Variants in MYT1L observed in about 807,000 individuals in gnomAD.
MYT1L encodes myelin transcription factor 1 like.
MYT1L carries 12 observed loss-of-function variants against 126.7 expected under a neutral mutation model. That is an observed-to-expected ratio of 0.09 (90% CI 0.06 to 0.15). The LOEUF (loss-of-function observed/expected upper bound fraction) is 0.15. Among genes scored for constraint, MYT1L ranks in the 10% least tolerant of loss-of-function variants. MYT1L has a pLI of 1.00. For missense variants in MYT1L, 979 were observed against 1,585.2 expected, an observed-to-expected ratio of 0.62 and a Z score of 6.49; for synonymous variants, 541 against 604.2, an observed-to-expected ratio of 0.90 and a Z score of 1.53.
At chr2:2,243,136 T>C (rs1390503197) in intron 2 of MYT1L, among the ~76,000 whole-genome samples, 1 of 152,090 alleles carries the variant, frequency 6.6e-6, no homozygotes, top group African/African-American at 2.4e-5. Flanking sequence ...TGCCCTGAAG[T>C]TGGAAAACCA....
intron 14 of MYT1L, among the ~76,000 whole-genome samples, chr2:1,900,173 T>A (rs1573381180): frequency 6.6e-6 from 1 of 152,202 alleles, no homozygotes; most frequent in African/African-American, 2.4e-5. Flanking sequence ...GAAGAGTAAC[T>A]GTAGACAGCA....
At chr2:2,080,948 C>T (rs1238701462) in intron 3 of MYT1L, among the ~76,000 whole-genome samples, 2 of 152,086 alleles carry the variant, frequency 1.3e-5, no homozygotes, top group Non-Finnish European at 2.9e-5. Context: ...GTAAAATGTC[C>T]AGAATAGGCA....
At chr2:2,302,282 T>G (rs1054501686) in intron 1 of MYT1L, among the ~76,000 whole-genome samples, 1 of 152,232 alleles carries the variant, frequency 6.6e-6, no homozygotes, top group Non-Finnish European at 1.5e-5. Flanking sequence ...AGTAGATAGA[T>G]GAGTAATTAC....
intron 2 of MYT1L, among the ~76,000 whole-genome samples, chr2:2,238,636 G>C (rs1014544754): frequency 6.6e-6 from 1 of 152,232 alleles, no homozygotes; most frequent in Admixed American, 6.5e-5. Context: ...GGTGAAACCT[G>C]TGTGCAGTGT....
At position 1,945,851 on chromosome 2, in the gene MYT1L, G is replaced by GT. The variant is rs753105950; in HGVS notation, c.153-2518dup. On this transcript the variant is annotated intron_variant, in intron 8 of 24. Transcript: ENST00000647738. Reference sequence around the variant, plus strand: ...AGTTTTGGAAACTAATGATTGTCCTGTTTGTTTCTTCTATCAATACTTCTA... The same window carrying GT: ...AGTTTTGGAAACTAATGATTGTCCTGTTTTGTTTCTTCTATCAATACTTCTA... 1.3e-3 allele frequency among the ~76,000 whole-genome samples: 199 copies of GT among 152,246 alleles called. 1 individual carries two copies. The highest frequency in any genetic ancestry group is 1.4e-3 in the Non-Finnish European group (98 of 68,018).
chr2:2,223,482 C>G (rs1052048445), intron 2 of MYT1L, among the ~76,000 whole-genome samples: 4 of 152,160 alleles, frequency 2.6e-5, no homozygotes, highest in Non-Finnish European at 4.4e-5. Context: ...TAAAAACTGT[C>G]CAACATTTTG....
intron 2 of MYT1L, among the ~76,000 whole-genome samples, chr2:2,190,019 C>A (rs2092488745): frequency 6.6e-6 from 1 of 152,238 alleles, no homozygotes; most frequent in Non-Finnish European, 1.5e-5. Context: ...GCTGGTTTTT[C>A]TGAGAGGAAG....
intron 1 of MYT1L, among the ~76,000 whole-genome samples, chr2:2,328,871 T>A (rs958973498): frequency 1.3e-5 from 2 of 152,202 alleles, no homozygotes; most frequent in Non-Finnish European, 2.9e-5. Context: ...ATAAAAATGT[T>A]CAAGTATAGA....
rs781114364 is a variant in MYT1L, at chr2:2,107,273, CAGGATTCAGCAG to C, written c.-303-53162_-303-53151del. ...ACAATCTCCTTCCTCTGTGCTCGGG[CAGGATTCAGCAG>C]AGGATGGCCCACTTGCCAAACCTGG... On this transcript the variant is annotated intron_variant, in intron 3 of 24. Transcript: ENST00000647738. 9.2e-5 allele frequency among the ~76,000 whole-genome samples: 14 copies of C among 152,320 alleles called. No homozygotes were observed. The South Asian group carries it at 1.7e-3, about 18-fold the overall frequency.
chr2:2,320,200 C>T (rs1163396139), intron 1 of MYT1L, among the ~76,000 whole-genome samples: 1 of 152,086 alleles, frequency 6.6e-6, no homozygotes, highest in Non-Finnish European at 1.5e-5. Context: ...TGATCTTGAG[C>T]ACTGAGTGTC....
chr2:2,044,694 G>A lies in MYT1L; in HGVS notation c.-158+9284C>T, dbSNP rs1019426550. ...TCTTGGGGAGAGATGGTGATTGGGCGATGGGGGCCATGGCTAGCCTTCTTC... is the reference window on the plus strand; with the variant it reads ...TCTTGGGGAGAGATGGTGATTGGGCAATGGGGGCCATGGCTAGCCTTCTTC... On this transcript the variant is annotated intron_variant, in intron 4 of 24. Coordinates refer to ENST00000647738, the MANE Select transcript of MYT1L (RefSeq NM_001303052.2). Among the ~76,000 whole-genome samples the A allele has an allele frequency of 1.8e-4, 28 of 152,330 alleles. 1 individual carries two copies. Among genetic ancestry groups the A allele is most frequent in the African/African-American group, 5.1e-4 (21 of 41,574 alleles).
intron 21 of MYT1L, among the ~76,000 whole-genome samples, chr2:1,823,455 G>A (rs1572569154): frequency 6.6e-6 from 1 of 152,368 alleles, no homozygotes; most frequent in South Asian, 2.1e-4. Flanking sequence ...GGAGGAGGGA[G>A]CAGGCAGTGG....
rs1399663804 is a variant in MYT1L at position 1,834,977 on chromosome 2, C to T, written c.3080+4172G>A. The stretch of plus-strand genomic sequence containing the variant: ...GGGGATGGATACAGGTACTCCTCCA[C>T]ATACCACGGGGATGGATACAGGTAC... On this transcript the variant is annotated intron_variant, in intron 21 of 24. Coordinates refer to ENST00000647738, the MANE Select transcript of MYT1L (RefSeq NM_001303052.2). 5.6e-5 allele frequency among the ~76,000 whole-genome samples: 7 copies of T among 124,002 alleles called. 1 individual carries two copies. Among genetic ancestry groups the T allele is most frequent in the African/African-American group, 2.9e-4 (7 of 23,838 alleles). 81.4% of individuals were successfully genotyped at this position (124,002 alleles called of 152,430 possible).
chr2:2,186,247 C>T (rs1446863320), intron 2 of MYT1L, among the ~76,000 whole-genome samples: 1 of 142,192 alleles, frequency 7.0e-6, no homozygotes, highest in East Asian at 2.1e-4. Flanking sequence ...GGGACGCAGC[C>T]AGGCCTTCCG....
intron 3 of MYT1L, among the ~76,000 whole-genome samples, chr2:2,115,825 C>T (rs2080134316): frequency 6.6e-6 from 1 of 151,522 alleles, no homozygotes; most frequent in East Asian, 2.0e-4. Context: ...CACGTCCAGT[C>T]GACGAAAACA....
intron 21 of MYT1L, among the ~76,000 whole-genome samples, chr2:1,821,960 C>T (rs2038600126): frequency 6.6e-6 from 1 of 152,248 alleles, no homozygotes; most frequent in Non-Finnish European, 1.5e-5. Flanking sequence ...GGCAGGGCAT[C>T]CGGGAGTCGA....
chr2:2,150,570 G>A (rs543731240), intron 3 of MYT1L, among the ~76,000 whole-genome samples: 181 of 152,190 alleles, frequency 1.2e-3, no homozygotes, highest in African/African-American at 4.1e-3. Flanking sequence ...TACCAGTTTT[G>A]ACTAAATTAC....
chr2:2,242,005 C>T (rs540484316), intron 2 of MYT1L, among the ~76,000 whole-genome samples: 9 of 150,448 alleles, frequency 6.0e-5, no homozygotes, highest in African/African-American at 2.0e-4. Flanking sequence ...GCTCAATATA[C>T]ATTGATAGGT....
rs1392343531 is a variant in MYT1L, at chr2:1,988,576, GC to G, written c.-1+8614del. ...GCATGACGGGGTGACAGCCTGCAGT[GC>G]CAGTGCTGGCTCCATACACAAACCT... is the stretch of plus-strand genomic sequence containing the variant. On this transcript the variant is annotated intron_variant, in intron 5 of 24. Coordinates refer to ENST00000647738, the MANE Select transcript of MYT1L (RefSeq NM_001303052.2). 7.2e-5 allele frequency among the ~76,000 whole-genome samples: 11 copies of G among 152,348 alleles called. No homozygotes were observed. The East Asian group carries it at 2.1e-3, about 29-fold the overall frequency.
Sources: allele counts gnomAD v4.1 joint callset (sites outside exome capture counted in the v4.1 genomes callset), GRCh38; gene constraint gnomAD v4.1.1; transcripts MANE v1.5; gene names NCBI Gene and HGNC (gene_info 2026-07-23, HGNC 2026-07-21).